NAF1: variants seen among roughly 807,000 people sequenced by gnomAD.
NAF1 encodes the protein H/ACA ribonucleoprotein complex non-core subunit NAF1.
Under a neutral mutation model 40.6 loss-of-function variants are expected in NAF1, and 11 were observed. That is an observed-to-expected ratio of 0.27 (90% CI 0.17 to 0.45). The LOEUF is 0.45. Ranked by LOEUF, NAF1 falls within the 20% of genes least tolerant of loss-of-function variation. The pLI is 1.00. For missense variants in NAF1, 607 were observed against 611.1 expected (o/e 0.99, Z 0.07); for synonymous variants, 260 against 228.5 (o/e 1.14, Z -1.24).
At chr4:163,158,768 T>C (rs536973329) in intron 2 of NAF1, among the ~76,000 whole-genome samples, 1 of 152,198 alleles carries the variant, frequency 6.6e-6, no homozygotes, top group African/African-American at 2.4e-5. Flanking sequence ...TGAGTGCATA[T>C]TTCATCAACT....
intron 7 of NAF1, among the ~76,000 whole-genome samples, chr4:163,130,792 A>C (rs1009845735): frequency 6.6e-5 from 10 of 152,264 alleles, no homozygotes; most frequent in Admixed American, 5.9e-4. Context: ...AATTAATTCA[A>C]AATGGACCAC....
intron 4 of NAF1, chr4:163,142,025 CTA>C: frequency 1.8e-6 from 1 of 548,622 alleles, no homozygotes; most frequent in Non-Finnish European, 2.3e-6. Context: ...TGAAATAACA[CTA>C]ATAGCATCAC....
chr4:163,131,195 C>T (rs1456980892), intron 7 of NAF1, among the ~76,000 whole-genome samples: 1 of 152,110 alleles, frequency 6.6e-6, no homozygotes, highest in Non-Finnish European at 1.5e-5. Context: ...TAGATAATGA[C>T]TTCTTAGATA....
In NAF1 at chr4:163,152,786, C is replaced by A. The variant is rs556845659; in HGVS notation, c.541-4352G>T. 2.6e-5 allele frequency among the ~76,000 whole-genome samples: 4 copies of A among 152,346 alleles called. No individual in the cohort carries two copies. The South Asian group carries it at 8.3e-4, about 32-fold the overall frequency. Reference sequence around the variant, plus strand: ...TCAGCCCACCGCTGCACTGTGGGAGCCCCTTTCTGGGCAGGCCAAGGCCAG... The same window carrying A: ...TCAGCCCACCGCTGCACTGTGGGAGACCCTTTCTGGGCAGGCCAAGGCCAG... On this transcript the variant is annotated intron_variant, in intron 2 of 7. Coordinates refer to ENST00000274054, the MANE Select transcript of NAF1 (RefSeq NM_138386.3).
downstream of NAF1, among the ~76,000 whole-genome samples, chr4:163,127,916 A>G (rs1730715832): frequency 6.6e-6 from 1 of 152,180 alleles, no homozygotes; most frequent in Non-Finnish European, 1.5e-5. Flanking sequence ...AAACCAGAAG[A>G]ACTAGGTTCA....
chr4:163,114,075 G>C (rs921015761), intron 2 of NAF1, among the ~76,000 whole-genome samples: 1 of 152,196 alleles, frequency 6.6e-6, no homozygotes, highest in African/African-American at 2.4e-5. Flanking sequence ...GTGGGAAACT[G>C]GAAAAGGAAA....
chr4:163,129,370 A>G (rs778811794), intron 7 of NAF1, 22 bp from the exon 8 acceptor site: 1 of 1,568,476 alleles, frequency 6.4e-7, no homozygotes, highest in Non-Finnish European at 8.7e-7. Flanking sequence ...GGGAGGGAAA[A>G]CATAAAAAGG....
chr4:163,156,466 G>A (rs34763640), intron 2 of NAF1, among the ~76,000 whole-genome samples: 13 of 150,312 alleles, frequency 8.6e-5, no homozygotes, highest in African/African-American at 2.2e-4. Context: ...TTTTTGTTTT[G>A]TTTACTCAAT....
chr4:163,114,840 G>A (rs1303729647), intron 2 of NAF1, among the ~76,000 whole-genome samples: 1 of 152,056 alleles, frequency 6.6e-6, no homozygotes, highest in African/African-American at 2.4e-5. Context: ...AAAGGTATCT[G>A]GACCTGGGGT....
Position 163,129,050 on chromosome 4 carries a change from G to C in NAF1, c.1332C>G (p.Pro444=). 6.5e-7 allele frequency: 1 copy of C among 1,536,258 alleles called. No individual in the cohort carries two copies. Residue 444 remains proline, a synonymous_variant, in exon 8 of 8, where the codon CCC becomes CCG. Coordinates refer to ENST00000274054, the MANE Select transcript of NAF1 (RefSeq NM_138386.3). ...FPLRPPPPPP[P]PPVNMGWATP... ...TAGCCCAACCCATGTTTACAGGTGG[G>C]GGTGGTGGTGGGGGTGGAGGGCGGA...
chr4:163,119,567 G>C (rs1225339127), intron 2 of NAF1: 3 of 152,152 alleles, frequency 2.0e-5, no homozygotes, highest in African/African-American at 4.8e-5. Context: ...TGGCTCCCAT[G>C]ATCTTCTAAT....
At chr4:163,115,443 G>A (rs911242404) in intron 2 of NAF1, among the ~76,000 whole-genome samples, 2 of 151,888 alleles carry the variant, frequency 1.3e-5, no homozygotes, top group East Asian at 1.9e-4. Flanking sequence ...TGATCCACCC[G>A]CCTCGGCCTC....
chr4:163,108,514 C>T (rs1730085298), downstream of NAF1, among the ~76,000 whole-genome samples: 1 of 152,258 alleles, frequency 6.6e-6, no homozygotes, highest in South Asian at 2.1e-4. Context: ...AAGAGAAAGC[C>T]AGTCACAGAT....
rs760330610 is a variant in NAF1 at position 163,166,732 on chromosome 4, C to A, written c.-5G>T. 2 of 1,613,156 alleles carry A rather than the reference C, an allele frequency of 1.2e-6. No homozygotes were observed. The highest frequency in any genetic ancestry group is 1.7e-6 in the Non-Finnish European group (2 of 1,179,882). On this transcript the variant is annotated 5_prime_UTR_variant, in exon 1 of 8. Coordinates refer to ENST00000274054, the MANE Select transcript of NAF1 (RefSeq NM_138386.3). Reference sequence around the variant, plus strand: ...GGCGGCCTCCACTACCTCCATCGCACCGCGCCAGAAACCGGGTCGGCCTCA... The same window carrying A: ...GGCGGCCTCCACTACCTCCATCGCAACGCGCCAGAAACCGGGTCGGCCTCA...
downstream of NAF1, chr4:163,127,264 G>A (rs1485196207): frequency 3.4e-6 from 4 of 1,186,136 alleles, no homozygotes; most frequent in Admixed American, 1.0e-4. Flanking sequence ...CGAGTAGCTG[G>A]GATTACAGGC....
chr4:163,141,410 C>T (rs1277069342), intron 4 of NAF1, among the ~76,000 whole-genome samples: 1 of 152,056 alleles, frequency 6.6e-6, no homozygotes, highest in Non-Finnish European at 1.5e-5. Context: ...ATAGATTTTT[C>T]CAGTCTTTTT....
intron 4 of NAF1, among the ~76,000 whole-genome samples, chr4:163,141,451 C>T (rs1579157842): frequency 6.6e-6 from 1 of 152,104 alleles, no homozygotes; most frequent in Middle Eastern, 3.4e-3. Flanking sequence ...TCTTTAAGAC[C>T]ATACTGTAGT....
chr4:163,146,669 C>G (rs1731483031), intron 3 of NAF1, among the ~76,000 whole-genome samples: 1 of 152,190 alleles, frequency 6.6e-6, no homozygotes, highest in Non-Finnish European at 1.5e-5. Context: ...GTGGATACTT[C>G]AGGCTGGGCA....
At chr4:163,154,387 G>C (rs1387192605) in intron 2 of NAF1, among the ~76,000 whole-genome samples, 1 of 152,156 alleles carries the variant, frequency 6.6e-6, no homozygotes, top group African/African-American at 2.4e-5. Context: ...AAACTAAATA[G>C]TATATACAAA....
Sources: gnomAD v4.1 joint callset for allele counts (sites outside exome capture counted in the v4.1 genomes callset) on GRCh38, gnomAD v4.1.1 for gene constraint, MANE v1.5 for transcripts, NCBI Gene and HGNC (gene_info 2026-07-23, HGNC 2026-07-21) for gene names.